Variants in SHC3 observed in about 807,000 individuals in gnomAD.
SHC3 encodes SHC-transforming protein 3.
A neutral mutation model predicts 60.4 loss-of-function variants in SHC3; 15 were observed. The ratio of observed to expected loss-of-function variants is 0.25; its 90% CI spans 0.17 to 0.38. SHC3 has a LOEUF of 0.38. Ranked by LOEUF, SHC3 falls within the 10% of genes least tolerant of loss-of-function variation. SHC3 has a pLI of 1.00. For missense variants in SHC3, 677 were observed against 786.1 expected (o/e 0.86, Z 1.66); for synonymous variants, 294 against 325.9 (o/e 0.90, Z 1.05).
intron 1 of SHC3, among the ~76,000 whole-genome samples, chr9:89,123,025 C>A (rs1445533372): frequency 6.6e-6 from 1 of 152,150 alleles, no homozygotes; most frequent in African/African-American, 2.4e-5. Context: ...GCTAACTAGT[C>A]CCAGGTGATG....
intron 4 of SHC3, among the ~76,000 whole-genome samples, chr9:89,073,938 C>G (rs796826995): frequency 1.1e-4 from 16 of 152,344 alleles, no homozygotes; most frequent in African/African-American, 3.8e-4. Flanking sequence ...GGTGAATATT[C>G]AGAATCCACA....
At chr9:89,173,813 A>G (rs763545579) in intron 1 of SHC3, among the ~76,000 whole-genome samples, 2 of 152,210 alleles carry the variant, frequency 1.3e-5, no homozygotes, top group Non-Finnish European at 2.9e-5. Flanking sequence ...GAGACAACTC[A>G]CTATCCAGAT....
intron 1 of SHC3, among the ~76,000 whole-genome samples, chr9:89,127,192 T>A (rs1826176782): frequency 6.6e-6 from 1 of 152,152 alleles, no homozygotes; most frequent in Non-Finnish European, 1.5e-5. Flanking sequence ...TGGTTTGATA[T>A]CTGTGTGACC....
intron 1 of SHC3, among the ~76,000 whole-genome samples, chr9:89,176,194 T>C (rs1826940336): frequency 6.6e-6 from 1 of 152,198 alleles, no homozygotes; most frequent in African/African-American, 2.4e-5. Context: ...ACAAGCTCTG[T>C]GCAGATCCAG....
At position 89,157,596 on chromosome 9, in the gene SHC3, A is replaced by T. The variant is rs147986517; in HGVS notation, c.474+20391T>A. On this transcript the variant is annotated intron_variant, in intron 1 of 11. Transcript: ENST00000375835. ...AATATATTGCCAAAATGTTTTTTTAATTTTTGTCAATCTTCCTAAGTTTAA... is the reference window on the plus strand; with the variant it reads ...AATATATTGCCAAAATGTTTTTTTATTTTTTGTCAATCTTCCTAAGTTTAA... 5.7e-3 allele frequency among the ~76,000 whole-genome samples: 862 copies of T among 151,804 alleles called. 9 individuals are homozygous for T. The highest frequency in any genetic ancestry group is 0.02 in the African/African-American group (821 of 41,138).
chr9:89,096,369 C>T (rs865910690), intron 2 of SHC3, among the ~76,000 whole-genome samples: 1 of 152,126 alleles, frequency 6.6e-6, no homozygotes, highest in African/African-American at 2.4e-5. Context: ...TCCCACTAAA[C>T]GTACAAGAGT....
At chr9:89,122,734 C>A (rs183775971) in intron 1 of SHC3, among the ~76,000 whole-genome samples, 1 of 152,176 alleles carries the variant, frequency 6.6e-6, no homozygotes. Context: ...CTGAGTCAAC[C>A]TTTGGAGACA....
chr9:89,156,817 C>T (rs1826630407), intron 1 of SHC3, among the ~76,000 whole-genome samples: 1 of 152,154 alleles, frequency 6.6e-6, no homozygotes, highest in African/African-American at 2.4e-5. Flanking sequence ...CAGAGCTCAC[C>T]TTCTTTTCTG....
intron 1 of SHC3, among the ~76,000 whole-genome samples, chr9:89,144,254 T>C (rs1826436583): frequency 6.6e-6 from 1 of 152,212 alleles, no homozygotes; most frequent in South Asian, 2.1e-4. Context: ...ACTCTATGTA[T>C]GTCTTACAGT....
intron 1 of SHC3, among the ~76,000 whole-genome samples, chr9:89,151,674 A>G (rs1436955378): frequency 6.6e-6 from 1 of 152,210 alleles, no homozygotes; most frequent in African/African-American, 2.4e-5. Flanking sequence ...TATTCTTTAC[A>G]TATTCCAGGA....
chr9:89,044,801 C>A (rs1174176991), intron 9 of SHC3, among the ~76,000 whole-genome samples: 3 of 152,142 alleles, frequency 2.0e-5, no homozygotes, highest in African/African-American at 7.2e-5. Flanking sequence ...TTGCAGATAT[C>A]TGACTTATAG....
rs1014945710 is a variant in SHC3 at position 89,011,744 on chromosome 9, C to T, written c.*1703G>A. 6.6e-6 allele frequency: 1 copy of T among 152,212 alleles called. No homozygotes were observed. The highest frequency in any genetic ancestry group is 6.5e-5 in the Admixed American group (1 of 15,286). 9.4% of individuals were successfully genotyped at this position (152,212 alleles called of 1,614,324 possible). A position where few individuals can be genotyped will look rare whatever the true frequency, so the allele number is the denominator to read the frequency against. On this transcript the variant is annotated 3_prime_UTR_variant, in exon 12 of 12. Transcript: ENST00000375835. ...GTGTCAGACTCTCCAGAGTTTCAAT[C>T]CACTGCAGAACATTCTAGAACACTG... is the stretch of plus-strand genomic sequence containing the variant.
At chr9:89,044,609 A>T (rs951190710) in intron 9 of SHC3, among the ~76,000 whole-genome samples, 4 of 152,208 alleles carry the variant, frequency 2.6e-5, no homozygotes, top group Admixed American at 2.0e-4. Context: ...TTGAGAAGGG[A>T]AAAAGGTTAA....
At position 89,010,277 on chromosome 9, in the gene SHC3, G is replaced by GTCATT. The variant is rs1435574587; in HGVS notation, c.*3165_*3169dup. ...TCTTAAGCACAGGATTAAAGATTGA[G>GTCATT]TCATTTGACTGCGGTGTTTTTCACC... is the stretch of plus-strand genomic sequence containing the variant. On this transcript the variant is annotated 3_prime_UTR_variant, in exon 12 of 12. Coordinates refer to ENST00000375835, the MANE Select transcript of SHC3 (RefSeq NM_016848.6). The GTCATT allele has an allele frequency of 6.6e-6, 1 of 152,266 alleles. No homozygotes were observed. The highest frequency in any genetic ancestry group is 2.4e-5 in the African/African-American group (1 of 41,464). The allele number at this position is 152,266 out of a possible 1,614,324, so 9.4% of individuals were successfully genotyped here.
chr9:89,104,599 G>A (rs758473304), intron 2 of SHC3, among the ~76,000 whole-genome samples: 15 of 152,128 alleles, frequency 9.9e-5, no homozygotes, highest in South Asian at 4.2e-4. Flanking sequence ...GTGCTGCAGC[G>A]GAGCCCACAT....
intron 2 of SHC3, among the ~76,000 whole-genome samples, chr9:89,093,626 A>G (rs1360194361): frequency 2.7e-5 from 4 of 150,494 alleles, no homozygotes; most frequent in Non-Finnish European, 5.9e-5. Context: ...CAGCACATAG[A>G]TGTGAAAAAG....
intron 9 of SHC3, among the ~76,000 whole-genome samples, chr9:89,043,027 T>A (rs2117894410): frequency 6.6e-6 from 1 of 152,292 alleles, no homozygotes; most frequent in Non-Finnish European, 1.5e-5. Flanking sequence ...GCGCCCTGTC[T>A]CCAATCTTCT....
intron 1 of SHC3, among the ~76,000 whole-genome samples, chr9:89,158,012 T>C (rs377503383): frequency 2.2e-4 from 34 of 151,944 alleles, no homozygotes; most frequent in African/African-American, 8.2e-4. Context: ...TTTAATTTTA[T>C]TGATTTCTGC....
At chr9:89,029,633 T>G (rs1486030309) in intron 11 of SHC3, among the ~76,000 whole-genome samples, 1 of 152,042 alleles carries the variant, frequency 6.6e-6, no homozygotes, top group African/African-American at 2.4e-5. Flanking sequence ...GGATGATGAG[T>G]TTGCCCTGGA....
Sources: gnomAD v4.1 joint callset for allele counts (sites outside exome capture counted in the v4.1 genomes callset) on GRCh38, gnomAD v4.1.1 for gene constraint, MANE v1.5 for transcripts, NCBI Gene and HGNC (gene_info 2026-07-23, HGNC 2026-07-21) for gene names.